The following N4BP2L2 variants were observed in gnomAD, a reference collection of about 807,000 sequenced individuals.
The protein encoded by N4BP2L2 is NEDD4 binding protein 2 like 2, also known as NEDD4-binding protein 2-like 2.
Under a neutral mutation model 56.2 loss-of-function variants are expected in N4BP2L2, and 50 were observed. The ratio of observed to expected loss-of-function variants is 0.89; its 90% CI spans 0.71 to 1.13. N4BP2L2 has a LOEUF of 1.13. Among genes scored for constraint, N4BP2L2 ranks in the 50% most tolerant of loss-of-function variants. The probability of loss-of-function intolerance (pLI) is 0.00; values close to 1 mark genes in which losing one functional copy is unlikely to be tolerated. For synonymous variants in N4BP2L2, 203 were observed against 223.6 expected, an observed-to-expected ratio of 0.91 and a Z score of 0.82; for missense variants, 689 against 693.8, an observed-to-expected ratio of 0.99 and a Z score of 0.08.
chr13:32,520,558 C>T (rs1010789113), intron 5 of N4BP2L2, among the ~76,000 whole-genome samples: 1 of 151,496 alleles, frequency 6.6e-6, no homozygotes, highest in Non-Finnish European at 1.5e-5. Context: ...ATTGGAGAGG[C>T]TGAGGCAGGA....
At chr13:32,463,401 C>T (rs978831636) in intron 6 of N4BP2L2, among the ~76,000 whole-genome samples, 2 of 152,078 alleles carry the variant, frequency 1.3e-5, no homozygotes, top group African/African-American at 2.4e-5. Context: ...GGGTGGATCA[C>T]GGCTATAATC....
At position 32,454,051 on chromosome 13, in the gene N4BP2L2, C is replaced by A. The variant is rs1033138038; in HGVS notation, c.366-9925G>T. Reference sequence around the variant, plus strand: ...GGGAATAAGGGCTTTGAAAAGCTCCCACATATTCCTGGGAATCTAGAAGGC... The same window carrying A: ...GGGAATAAGGGCTTTGAAAAGCTCCAACATATTCCTGGGAATCTAGAAGGC... On this transcript the variant is annotated intron_variant, in intron 6 of 9. Coordinates refer to the N4BP2L2 transcript ENST00000357505. 2.0e-5 allele frequency among the ~76,000 whole-genome samples: 3 copies of A among 151,982 alleles called. No homozygotes were observed. The East Asian group carries it at 5.8e-4, about 29-fold the overall frequency.
intron 2 of N4BP2L2, among the ~76,000 whole-genome samples, chr13:32,531,487 C>G (rs764253379): frequency 7.9e-5 from 12 of 152,132 alleles, no homozygotes; most frequent in Non-Finnish European, 5.9e-5. Context: ...AAGAAAAATA[C>G]AAAATCTAAG....
chr13:32,511,323 G>A (rs1174538429), exon 6 of N4BP2L2: 1 of 152,154 alleles, frequency 6.6e-6, no homozygotes, highest in Non-Finnish European at 1.5e-5. Flanking sequence ...ACTCAAAATA[G>A]TTATCAGCTT....
intron 6 of N4BP2L2, chr13:32,480,567 AT>A: frequency 8.2e-7 from 1 of 1,218,286 alleles, no homozygotes; most frequent in Non-Finnish European, 1.1e-6. Context: ...CCATTATATC[AT>A]TACTTGGAGT....
chr13:32,458,056 T>TTTTTG (rs1172489867), intron 6 of N4BP2L2, among the ~76,000 whole-genome samples: 15 of 152,096 alleles, frequency 9.9e-5, no homozygotes, highest in East Asian at 1.9e-4. Flanking sequence ...TTTGTTTTGT[T>TTTTTG]TTTTGTTTTG....
chr13:32,436,882 A>T (rs2138164178), intron 8 of N4BP2L2, among the ~76,000 whole-genome samples: 1 of 147,442 alleles, frequency 6.8e-6, no homozygotes, highest in Non-Finnish European at 1.5e-5. Context: ...TTATTTATTT[A>T]TTTATTTATT....
chr13:32,434,379 T>A lies in N4BP2L2; in HGVS notation c.*22-1407A>T, dbSNP rs140043483. 1.2e-3 allele frequency among the ~76,000 whole-genome samples: 188 copies of A among 151,710 alleles called. 1 individual carries two copies. The highest frequency in any genetic ancestry group is 4.4e-3 in the African/African-American group (181 of 41,376). On this transcript the variant is annotated intron_variant, in intron 9 of 9. Coordinates refer to the N4BP2L2 transcript ENST00000357505. ...TCCCAAAGTGCTAGGATTACAGGCA[T>A]GAGCCACCGTGCCCGGCCAGTTTTT...
At chr13:32,464,190 A>C (rs750225106) in intron 6 of N4BP2L2, among the ~76,000 whole-genome samples, 21 of 152,234 alleles carry the variant, frequency 1.4e-4, no homozygotes, top group Non-Finnish European at 2.9e-4. Flanking sequence ...TGACAACAAC[A>C]ACAATAGAAT....
At chr13:32,528,660 C>T (rs894664297) in intron 2 of N4BP2L2, among the ~76,000 whole-genome samples, 5 of 152,018 alleles carry the variant, frequency 3.3e-5, no homozygotes, top group African/African-American at 1.2e-4. Flanking sequence ...TCTCCTTGAA[C>T]CATTAGGCAT....
downstream of N4BP2L2, chr13:32,506,211 G>A (rs1695814040): frequency 6.6e-6 from 1 of 152,180 alleles, no homozygotes; most frequent in African/African-American, 2.4e-5. Context: ...TTACCTTTCT[G>A]TGTGTCTGTG....
At chr13:32,537,011 A>G (rs906104165) in exon 2 of N4BP2L2, 2 of 1,575,306 alleles carry the variant, frequency 1.3e-6, no homozygotes, top group African/African-American at 1.4e-5. Flanking sequence ...TTTACCTTCA[A>G]TTTCACCATA....
In N4BP2L2 at chr13:32,520,753, T is replaced by C. The variant is rs189026471; in HGVS notation, c.1550+620A>G. 2.4e-4 allele frequency among the ~76,000 whole-genome samples: 36 copies of C among 150,768 alleles called. No homozygotes were observed. The East Asian group carries it at 4.3e-3, about 18-fold the overall frequency. ...GTAAAGATAGGTACAAATGGAAGAG[T>C]TAGGACTGAAAATAGAAGTTCACAA... On this transcript the variant is annotated intron_variant, in intron 5 of 5. Coordinates refer to ENST00000267068, the Ensembl canonical transcript of N4BP2L2.
chr13:32,468,094 T>C (rs572349950), intron 6 of N4BP2L2, among the ~76,000 whole-genome samples: 1 of 152,124 alleles, frequency 6.6e-6, no homozygotes, highest in South Asian at 2.1e-4. Flanking sequence ...ATGAGAGATA[T>C]GCATTCATAT....
chr13:32,533,891 A>T (rs572588540), intron 2 of N4BP2L2, among the ~76,000 whole-genome samples: 8 of 152,320 alleles, frequency 5.3e-5, no homozygotes, highest in Non-Finnish European at 1.0e-4. Flanking sequence ...CAAATAACCA[A>T]CACCAGTTCA....
At chr13:32,461,979 A>G (rs1038319848) in intron 6 of N4BP2L2, among the ~76,000 whole-genome samples, 7 of 152,246 alleles carry the variant, frequency 4.6e-5, no homozygotes, top group Non-Finnish European at 1.0e-4. Flanking sequence ...AGGAACTCTC[A>G]TACACTGTTG....
chr13:32,485,719 A>G (rs1593783981), intron 6 of N4BP2L2, among the ~76,000 whole-genome samples: 1 of 152,228 alleles, frequency 6.6e-6, no homozygotes, highest in Admixed American at 6.5e-5. Flanking sequence ...CAGAAAAAAC[A>G]TGGGCAAAAT....
chr13:32,442,406 A>T (rs1484188518), exon 7 of N4BP2L2: 1 of 1,592,630 alleles, frequency 6.3e-7, no homozygotes, highest in Admixed American at 1.8e-5. Context: ...ACGCCTGGAG[A>T]TCCAAAAAGC....
intron 5 of N4BP2L2, 57 bp from the exon 6 acceptor site, chr13:32,518,060 T>A (rs767606317): frequency 1.4e-5 from 21 of 1,490,484 alleles, no homozygotes; most frequent in Non-Finnish European, 1.9e-5. Context: ...GGCTTAGAGA[T>A]TAACTGTTTT....
Sources: allele counts gnomAD v4.1 joint callset (sites outside exome capture counted in the v4.1 genomes callset), GRCh38; gene constraint gnomAD v4.1.1; transcripts MANE v1.5; gene names NCBI Gene and HGNC (gene_info 2026-07-23, HGNC 2026-07-21).